The following ZNF385D variants were observed in gnomAD, a reference collection of about 807,000 sequenced individuals.
ZNF385D encodes zinc finger protein 659.
In ZNF385D, 15 loss-of-function variants were observed where a neutral mutation model predicts 35.8. The observed-to-expected ratio is 0.42, with a 90% CI of 0.28 to 0.64. The LOEUF (loss-of-function observed/expected upper bound fraction) is 0.64. Ranked by LOEUF, ZNF385D falls within the 30% of genes least tolerant of loss-of-function variation. The pLI, the probability that ZNF385D is intolerant of heterozygous loss-of-function variation, is 0.23. For synonymous variants in ZNF385D, 212 were observed against 186.8 expected (o/e 1.13, Z -1.10); for missense variants, 474 against 494.6 (o/e 0.96, Z 0.39).
chr3:22,103,203 G>T lies in ZNF385D; in HGVS notation c.325+65614C>A, dbSNP rs139711337. On this transcript the variant is annotated intron_variant, in intron 3 of 5. Coordinates refer to the ZNF385D transcript ENST00000494108. The stretch of plus-strand genomic sequence containing the variant: ...ATCACTGCGAAAGGACTCATTACTA[G>T]CCCTGGGGCCATTTTTTTTTTTTAA... Among the ~76,000 whole-genome samples the T allele has an allele frequency of 3.1e-3, 308 of 98,686 alleles. 1 individual carries two copies. The highest frequency in any genetic ancestry group is 0.013 in the African/African-American group (294 of 23,252). 64.7% of individuals were successfully genotyped at this position (98,686 alleles called of 152,430 possible).
At chr3:22,269,467 G>T (rs1009746983) in intron 2 of ZNF385D, among the ~76,000 whole-genome samples, 1 of 151,868 alleles carries the variant, frequency 6.6e-6, no homozygotes. Context: ...TATCTTTCCA[G>T]GGCTAGGAAA....
At position 21,783,568 on chromosome 3, in the gene ZNF385D, A is replaced by G. The variant is rs772464836; in HGVS notation, c.326-118540T>C. Among the ~76,000 whole-genome samples, 11 of 152,256 alleles carry G rather than the reference A, an allele frequency of 7.2e-5. 1 individual carries two copies. Among genetic ancestry groups the G allele is most frequent in the Admixed American group, 1.3e-4 (2 of 15,288 alleles). Reference sequence around the variant, plus strand: ...CAAACACCTGGGACACTCTAACAGCATTGTTTAATGTAATAGCACTGAGCC... The same window carrying G: ...CAAACACCTGGGACACTCTAACAGCGTTGTTTAATGTAATAGCACTGAGCC... On this transcript the variant is annotated intron_variant, in intron 3 of 5. Transcript: ENST00000494108.
intron 4 of ZNF385D, among the ~76,000 whole-genome samples, chr3:21,507,460 A>G (rs1027465694): frequency 1.1e-4 from 16 of 152,196 alleles, no homozygotes; most frequent in Non-Finnish European, 1.8e-4. Context: ...TATATGGACA[A>G]GCCTACAAAT....
At chr3:21,775,615 A>G (rs2071256351) in intron 3 of ZNF385D, among the ~76,000 whole-genome samples, 1 of 151,852 alleles carries the variant, frequency 6.6e-6, no homozygotes, top group Non-Finnish European at 1.5e-5. Context: ...GTAACTTATC[A>G]TGATGATTTC....
intron 2 of ZNF385D, among the ~76,000 whole-genome samples, chr3:22,321,307 C>T (rs779119445): frequency 2.0e-5 from 3 of 151,438 alleles, no homozygotes; most frequent in Non-Finnish European, 4.4e-5. Context: ...ACTCTTTCTA[C>T]AAGTCCCTAC....
rs559112974 is a variant in ZNF385D at position 22,147,800 on chromosome 3, C to T, written c.325+21017G>A. Reference sequence around the variant, plus strand: ...CTACTACTCATTGTCCCTAATTTTGCATTGGCCACAGATTCCAGTGATAAA... The same window carrying T: ...CTACTACTCATTGTCCCTAATTTTGTATTGGCCACAGATTCCAGTGATAAA... On this transcript the variant is annotated intron_variant, in intron 3 of 5. Coordinates refer to the ZNF385D transcript ENST00000494108. Among the ~76,000 whole-genome samples, 11 of 152,202 alleles carry T rather than the reference C, an allele frequency of 7.2e-5. No homozygotes were observed. The South Asian group carries it at 2.3e-3, about 32-fold the overall frequency.
intron 3 of ZNF385D, among the ~76,000 whole-genome samples, chr3:21,788,870 C>T (rs3933111): frequency 0.28 from 41,932 of 151,972 alleles, 6,440 homozygotes; most frequent in East Asian, 0.71. Context: ...GCCAATGAGA[C>T]GCTGTGCTAT....
At chr3:21,901,268 A>C (rs1444210033) in intron 3 of ZNF385D, among the ~76,000 whole-genome samples, 1 of 152,074 alleles carries the variant, frequency 6.6e-6, no homozygotes, top group Non-Finnish European at 1.5e-5. Context: ...TGAGCCACTT[A>C]TTTACCTCTT....
chr3:22,305,955 G>A (rs560169975), intron 2 of ZNF385D, among the ~76,000 whole-genome samples: 2 of 152,182 alleles, frequency 1.3e-5, no homozygotes, highest in African/African-American at 4.8e-5. Context: ...AATTTTTCTA[G>A]TACGATTCTG....
intron 1 of ZNF385D, among the ~76,000 whole-genome samples, chr3:21,717,738 T>C (rs1418432979): frequency 1.3e-5 from 2 of 152,200 alleles, no homozygotes; most frequent in African/African-American, 2.4e-5. Context: ...TTTCACTTGG[T>C]TCTCATTCTC....
intron 3 of ZNF385D, among the ~76,000 whole-genome samples, chr3:22,001,404 A>G (rs1265789971): frequency 1.3e-5 from 2 of 152,158 alleles, no homozygotes; most frequent in African/African-American, 4.8e-5. Context: ...TCATTATATA[A>G]TAATAAAGAG....
chr3:21,786,834 G>A (rs940415068), intron 3 of ZNF385D, among the ~76,000 whole-genome samples: 1 of 152,052 alleles, frequency 6.6e-6, no homozygotes, highest in Non-Finnish European at 1.5e-5. Context: ...AACCAGAAAC[G>A]AATTCCCAAG....
chr3:22,277,276 A>G (rs1236316309), intron 2 of ZNF385D, among the ~76,000 whole-genome samples: 1 of 152,104 alleles, frequency 6.6e-6, no homozygotes, highest in African/African-American at 2.4e-5. Flanking sequence ...ATATTCAACA[A>G]ATGGTTGGCA....
chr3:22,308,349 G>A (rs993893828), intron 2 of ZNF385D, among the ~76,000 whole-genome samples: 11 of 151,736 alleles, frequency 7.2e-5, no homozygotes, highest in African/African-American at 2.4e-4. Flanking sequence ...ATCACTAACA[G>A]CCCAATTTAC....
intron 2 of ZNF385D, among the ~76,000 whole-genome samples, chr3:21,574,945 AC>A (rs1272433688): frequency 6.6e-6 from 1 of 151,792 alleles, no homozygotes; most frequent in African/African-American, 2.4e-5. Flanking sequence ...TAGGGATAGG[AC>A]TAGGTAAGTG....
At position 21,646,768 on chromosome 3, in the gene ZNF385D, C is replaced by T. The variant is rs1407854071; in HGVS notation, c.165+18118G>A. ...TTATATCATCTGGGAATGTATTAAACCTGCATTCTGGGCCTATGGCTTTCA... is the reference window on the plus strand; with the variant it reads ...TTATATCATCTGGGAATGTATTAAATCTGCATTCTGGGCCTATGGCTTTCA... On this transcript the variant is annotated intron_variant, in intron 2 of 7. Coordinates refer to ENST00000281523, the MANE Select transcript of ZNF385D (RefSeq NM_024697.3). This position sits in a 1 kb window ranked among gnomAD's most constrained non-coding sequence, Gnocchi z 4.3. Among the ~76,000 whole-genome samples, 2 of 152,176 alleles carry T rather than the reference C, an allele frequency of 1.3e-5. No individual in the cohort carries two copies. Among genetic ancestry groups the T allele is most frequent in the African/African-American group, 4.8e-5 (2 of 41,446 alleles).
intron 3 of ZNF385D, among the ~76,000 whole-genome samples, chr3:21,812,810 T>G (rs1157240300): frequency 1.3e-5 from 2 of 152,218 alleles, no homozygotes; most frequent in Non-Finnish European, 2.9e-5. Flanking sequence ...ACCTGCAGAA[T>G]TAAACGTCCC....
intron 4 of ZNF385D, chr3:21,443,246 T>C (rs751553335): frequency 6.1e-5 from 60 of 985,360 alleles, no homozygotes; most frequent in Non-Finnish European, 7.2e-5. Context: ...TTCTTACAAA[T>C]CTGCTTCACT....
At chr3:21,980,211 T>A (rs9310670) in intron 3 of ZNF385D, among the ~76,000 whole-genome samples, 1,935 of 152,272 alleles carry the variant, frequency 0.013, 56 homozygotes, top group African/African-American at 0.044. Flanking sequence ...TGAGCTACCT[T>A]GTAAGTAGAT....
Sources: gnomAD v4.1 joint callset for allele counts (sites outside exome capture counted in the v4.1 genomes callset) on GRCh38, gnomAD v4.1.1 for gene constraint, Gnocchi (gnomAD v3.1) non-coding constraint, MANE v1.5 for transcripts, NCBI Gene and HGNC (gene_info 2026-07-23, HGNC 2026-07-21) for gene names.